The following ZNF875 variants were observed in gnomAD, a reference collection of about 807,000 sequenced individuals.
The protein encoded by ZNF875 is HKR1, GLI-Kruppel zinc finger family member.
A neutral mutation model predicts 11.2 loss-of-function variants in ZNF875; 14 were observed. That is an observed-to-expected ratio of 1.26 (90% CI 0.83 to 1.96). The LOEUF (loss-of-function observed/expected upper bound fraction) is 1.96, where lower values mean the gene tolerates loss of function less well. Among genes scored for constraint, ZNF875 ranks in the 30% most tolerant of loss-of-function variants. The pLI, the probability that ZNF875 is intolerant of heterozygous loss-of-function variation, is 0.00. For missense variants in ZNF875, 752 were observed against 760.4 expected (o/e 0.99, Z 0.13); for synonymous variants, 301 against 281.1 (o/e 1.07, Z -0.71).
chr19:37,352,804 T>C (rs2038150500), intron 4 of ZNF875, among the ~76,000 whole-genome samples: 1 of 152,108 alleles, frequency 6.6e-6, no homozygotes. Context: ...AATGTGTTTT[T>C]ACTTGCTCTG....
At chr19:37,353,855 G>A (rs545864739) in intron 4 of ZNF875, among the ~76,000 whole-genome samples, 3 of 152,118 alleles carry the variant, frequency 2.0e-5, no homozygotes, top group East Asian at 1.9e-4. Context: ...TCTATGAGCC[G>A]TTTTCTTTGT....
rs945866007 is a variant in ZNF875 at position 37,362,656 on chromosome 19, C to T, written c.804C>T (p.Val268=). 5 of 1,612,760 alleles carry T rather than the reference C, an allele frequency of 3.1e-6. No individual in the cohort carries two copies. In the African/African-American group the frequency reaches 6.7e-5, roughly 22 times the overall value. ...EWGDSFGSMS[V]LIKNPRTHSG... ...GAGACAGCTTTGGCAGTATGTCAGT[C>T]CTCATCAAAAACCCAAGGACACACT... Residue 268 remains valine, a synonymous_variant, in exon 5 of 5, where the codon GTC becomes GTT. Transcript: ENST00000392153.
intron 2 of ZNF875, among the ~76,000 whole-genome samples, chr19:37,340,809 C>T (rs1041434544): frequency 2.6e-5 from 4 of 151,752 alleles, no homozygotes; most frequent in South Asian, 2.1e-4. Context: ...CCACCACGCC[C>T]GGCTAATTTT....
intron 4 of ZNF875, among the ~76,000 whole-genome samples, chr19:37,356,393 C>T (rs1214071490): frequency 6.6e-6 from 1 of 152,156 alleles, no homozygotes; most frequent in African/African-American, 2.4e-5. Context: ...AATATATAAG[C>T]ATTCCCTGTT....
upstream of ZNF875, chr19:37,315,371 GAAGAATGGCA>G (rs1471847098): frequency 6.6e-6 from 1 of 152,172 alleles, no homozygotes; most frequent in Non-Finnish European, 1.5e-5. Flanking sequence ...GTTTTATTGC[GAAGAATGGCA>G]AGGTTTTTAT....
At chr19:37,322,707 A>G (rs1194014003) in intron 2 of ZNF875, among the ~76,000 whole-genome samples, 2 of 152,154 alleles carry the variant, frequency 1.3e-5, no homozygotes, top group Non-Finnish European at 2.9e-5. Context: ...TTGCTGCTCT[A>G]ACTTTGCCCT....
intron 2 of ZNF875, among the ~76,000 whole-genome samples, chr19:37,335,839 C>T (rs536705752): frequency 1.2e-4 from 18 of 152,264 alleles, no homozygotes; most frequent in Admixed American, 2.0e-4. Flanking sequence ...CAGTGGAATG[C>T]TGAGTTGGTC....
At chr19:37,344,551 C>G (rs1402846742) in intron 2 of ZNF875, 1 of 747,566 alleles carries the variant, frequency 1.3e-6, no homozygotes, top group South Asian at 1.5e-5. Flanking sequence ...TAGAATCCTA[C>G]GGTAAGGCTT....
At chr19:37,330,621 C>G (rs2033226728), upstream of ZNF875, among the ~76,000 whole-genome samples, 1 of 152,140 alleles carries the variant, frequency 6.6e-6, no homozygotes, top group South Asian at 2.1e-4. Flanking sequence ...CCTTAGTTTT[C>G]TGCCTTAATT....
At chr19:37,314,474 T>C (rs963471494), upstream of ZNF875, among the ~76,000 whole-genome samples, 4 of 151,882 alleles carry the variant, frequency 2.6e-5, no homozygotes, top group Non-Finnish European at 4.4e-5. Context: ...TCCACTGAGA[T>C]GATGCATCAG....
Position 37,334,684 on chromosome 19 carries a change from T to A in ZNF875, c.-155T>A. 2.2e-6 allele frequency: 1 copy of A among 456,088 alleles called. No homozygotes were observed. Among genetic ancestry groups the A allele is most frequent in the Non-Finnish European group, 4.4e-6 (1 of 226,810 alleles). The allele number at this position is 456,088 out of a possible 1,614,324, so 28.3% of individuals were successfully genotyped here. ...GGTGGCCCAGGCGCGTTAAGCTGGT[T>A]GGGACCCGGGAAGGCCTCCCTCTTA... On this transcript the variant is annotated 5_prime_UTR_variant, in exon 1 of 5. Transcript: ENST00000392153.
chr19:37,329,904 TTG>T (rs1194851148), upstream of ZNF875, among the ~76,000 whole-genome samples: 1 of 152,132 alleles, frequency 6.6e-6, no homozygotes, highest in Non-Finnish European at 1.5e-5. Context: ...ATAAACCAGG[TTG>T]TGTTTTGACC....
chr19:37,355,449 A>G (rs1027090109), intron 4 of ZNF875, among the ~76,000 whole-genome samples: 11 of 152,128 alleles, frequency 7.2e-5, no homozygotes, highest in Non-Finnish European at 1.2e-4. Context: ...CGGTCTCCCA[A>G]AGTGCTGGGA....
chr19:37,338,598 C>CT (rs538967429), intron 2 of ZNF875, among the ~76,000 whole-genome samples: 234 of 152,294 alleles, frequency 1.5e-3, no homozygotes, highest in Middle Eastern at 6.8e-3. Context: ...TTCAATGTAG[C>CT]TTTTTAACAT....
intron 4 of ZNF875, among the ~76,000 whole-genome samples, chr19:37,327,389 G>C (rs537494754): frequency 7.9e-5 from 12 of 152,096 alleles, no homozygotes; most frequent in Non-Finnish European, 1.8e-4. Flanking sequence ...ATATCTCACT[G>C]TGTGTTGCTT....
At chr19:37,314,115 TA>T (rs1390775077), upstream of ZNF875, among the ~76,000 whole-genome samples, 5 of 152,138 alleles carry the variant, frequency 3.3e-5, no homozygotes, top group South Asian at 4.2e-4. Context: ...AAATTCTAAT[TA>T]AAAAAAATTT....
chr19:37,340,841 G>T (rs1467989073), intron 2 of ZNF875, among the ~76,000 whole-genome samples: 1 of 151,538 alleles, frequency 6.6e-6, no homozygotes, highest in African/African-American at 2.4e-5. Context: ...GTAGAGACGG[G>T]GTGTCACCTT....
chr19:37,342,438 G>T (rs2035916273), intron 2 of ZNF875, among the ~76,000 whole-genome samples: 1 of 136,714 alleles, frequency 7.3e-6, no homozygotes, highest in South Asian at 2.3e-4. Flanking sequence ...TTGAGATGAA[G>T]TTTCACTCTT....
chr19:37,327,183 G>A (rs919486986), intron 4 of ZNF875, among the ~76,000 whole-genome samples: 2 of 151,704 alleles, frequency 1.3e-5, no homozygotes, highest in Non-Finnish European at 2.9e-5. Flanking sequence ...AGTAGAGACA[G>A]AGTTTCACCA....
Sources: allele counts gnomAD v4.1 joint callset (sites outside exome capture counted in the v4.1 genomes callset), GRCh38; gene constraint gnomAD v4.1.1; transcripts MANE v1.5; gene names NCBI Gene and HGNC (gene_info 2026-07-23, HGNC 2026-07-21).